DOK5: variants seen among roughly 807,000 people sequenced by gnomAD.
The protein encoded by DOK5 is docking protein 5.
A neutral mutation model predicts 43.3 loss-of-function variants in DOK5; 27 were observed. The observed-to-expected ratio is 0.62, with a 90% CI of 0.46 to 0.86. DOK5 has a LOEUF of 0.86. Among genes scored for constraint, DOK5 ranks in the 40% least tolerant of loss-of-function variants. The probability of loss-of-function intolerance (pLI) is 0.00; values close to 1 mark genes in which losing one functional copy is unlikely to be tolerated. For synonymous variants in DOK5, 146 were observed against 140.1 expected, an observed-to-expected ratio of 1.04 and a Z score of -0.30; for missense variants, 373 against 392.9, an observed-to-expected ratio of 0.95 and a Z score of 0.43.
At chr20:54,605,797 A>G (rs1986451786) in intron 5 of DOK5, among the ~76,000 whole-genome samples, 1 of 152,262 alleles carries the variant, frequency 6.6e-6, no homozygotes. Context: ...GTATATCAGA[A>G]CAAAATCCCC....
chr20:54,496,573 C>T (rs1216827475), intron 1 of DOK5, among the ~76,000 whole-genome samples: 1 of 151,946 alleles, frequency 6.6e-6, no homozygotes. Context: ...CGAGACCATC[C>T]TGGCCAACAC....
At chr20:54,557,464 G>C (rs894259101) in intron 2 of DOK5, among the ~76,000 whole-genome samples, 2 of 152,142 alleles carry the variant, frequency 1.3e-5, no homozygotes, top group African/African-American at 4.8e-5. Flanking sequence ...GGTGTAGCCG[G>C]GTTCCTAATA....
At chr20:54,622,808 C>T (rs879272646) in intron 6 of DOK5, among the ~76,000 whole-genome samples, 7 of 151,994 alleles carry the variant, frequency 4.6e-5, no homozygotes, top group East Asian at 3.9e-4. Flanking sequence ...TTCCCAGTGT[C>T]GAGCATGGCA....
intron 1 of DOK5, among the ~76,000 whole-genome samples, chr20:54,507,618 GAAT>G (rs1375942448): frequency 1.3e-5 from 2 of 152,202 alleles, no homozygotes; most frequent in Non-Finnish European, 2.9e-5. Context: ...TGCAGGTGTT[GAAT>G]GATGAGGTGT....
chr20:54,541,880 T>A (rs1984173384), intron 1 of DOK5, among the ~76,000 whole-genome samples: 1 of 152,158 alleles, frequency 6.6e-6, no homozygotes. Context: ...CTCAAGGCCA[T>A]TTATTTCTTC....
chr20:54,521,797 G>A (rs1983407554), intron 1 of DOK5, among the ~76,000 whole-genome samples: 1 of 152,126 alleles, frequency 6.6e-6, no homozygotes, highest in Non-Finnish European at 1.5e-5. Flanking sequence ...CTTCTGCCCA[G>A]TTGAGAGTCA....
chr20:54,535,711 T>C (rs1983939394), intron 1 of DOK5, among the ~76,000 whole-genome samples: 1 of 152,144 alleles, frequency 6.6e-6, no homozygotes, highest in African/African-American at 2.4e-5. Flanking sequence ...AGAGCCCTTC[T>C]CCATGGTATA....
At chr20:54,603,594 A>G (rs955503017) in intron 5 of DOK5, among the ~76,000 whole-genome samples, 1 of 152,178 alleles carries the variant, frequency 6.6e-6, no homozygotes, top group South Asian at 2.1e-4. Context: ...GTCTGGAGAC[A>G]CTTTTGGTTG....
rs71196456 is a variant in DOK5, at chr20:54,605,001, CA to C, written c.600-5375del. ...TGGGCAACAGAGCAAGACTGTGTCT[CA>C]AAAAAAAAAAATATATATATATACA... is the stretch of plus-strand genomic sequence containing the variant. On this transcript the variant is annotated intron_variant, in intron 5 of 7. Transcript: ENST00000262593. 8.6e-4 allele frequency among the ~76,000 whole-genome samples: 94 copies of C among 108,880 alleles called. 1 individual carries two copies. The highest frequency in any genetic ancestry group is 1.9e-3 in the Admixed American group (20 of 10,274). The allele number at this position is 108,880 out of a possible 152,430, so 71.4% of individuals were successfully genotyped here. A position where few individuals can be genotyped will look rare whatever the true frequency, so the allele number is the denominator to read the frequency against.
Position 54,643,585 on chromosome 20 carries a change from G to C in DOK5, c.856+7G>C. The C allele has an allele frequency of 6.2e-7, 1 of 1,611,218 alleles. No individual in the cohort carries two copies. Among genetic ancestry groups the C allele is most frequent in the Non-Finnish European group, 8.5e-7 (1 of 1,179,646 alleles). On this transcript the variant is annotated splice_region_variant and intron_variant, in intron 7 of 7. Transcript: ENST00000262593. ...CAGCTCTACCGCTTGCAAGGTAAGC[G>C]TGGGGCTACCTGTGTCCAGGGTGTG...
At chr20:54,521,082 T>C (rs1983377453) in intron 1 of DOK5, among the ~76,000 whole-genome samples, 2 of 152,052 alleles carry the variant, frequency 1.3e-5, no homozygotes, top group African/African-American at 4.8e-5. Flanking sequence ...GAATGGTGCC[T>C]GCTTGAGGGA....
intron 1 of DOK5, among the ~76,000 whole-genome samples, chr20:54,553,040 A>G (rs938013380): frequency 1.5e-4 from 23 of 152,342 alleles, no homozygotes; most frequent in African/African-American, 4.8e-4. Flanking sequence ...TTTGTAGTAC[A>G]TAAAATTTAT....
At chr20:54,581,713 A>AAT (rs1321481785) in intron 2 of DOK5, among the ~76,000 whole-genome samples, 4 of 151,984 alleles carry the variant, frequency 2.6e-5, no homozygotes, top group African/African-American at 7.2e-5. Flanking sequence ...ATAGAAATAC[A>AAT]ACTGATTTTT....
At chr20:54,608,940 G>T (rs185914936) in intron 5 of DOK5, among the ~76,000 whole-genome samples, 74 of 152,250 alleles carry the variant, frequency 4.9e-4, no homozygotes, top group Admixed American at 4.3e-3. Context: ...CTCCCAAAGT[G>T]CTGGGATTAC....
chr20:54,646,197 A>T (rs959442741), intron 7 of DOK5, among the ~76,000 whole-genome samples: 8 of 150,434 alleles, frequency 5.3e-5, no homozygotes, highest in African/African-American at 1.2e-4. Flanking sequence ...ATACTTCTTT[A>T]AAAAAAGCAT....
chr20:54,548,272 G>A (rs1036101671), intron 1 of DOK5, among the ~76,000 whole-genome samples: 2 of 149,036 alleles, frequency 1.3e-5, no homozygotes, highest in Non-Finnish European at 2.9e-5. Context: ...TTGACACTCT[G>A]TCATGAGGCT....
intron 1 of DOK5, among the ~76,000 whole-genome samples, chr20:54,529,064 G>T (rs1170625383): frequency 1.3e-5 from 2 of 152,122 alleles, no homozygotes; most frequent in African/African-American, 4.8e-5. Flanking sequence ...AGACAACCAG[G>T]TGCATACACA....
intron 1 of DOK5, among the ~76,000 whole-genome samples, chr20:54,521,971 C>A (rs1217103594): frequency 1.3e-5 from 2 of 152,198 alleles, no homozygotes; most frequent in Non-Finnish European, 2.9e-5. Context: ...CTTGTTATAT[C>A]ACACCAGCCA....
At chr20:54,525,503 A>G (rs1231842229) in intron 1 of DOK5, among the ~76,000 whole-genome samples, 1 of 152,248 alleles carries the variant, frequency 6.6e-6, no homozygotes, top group Non-Finnish European at 1.5e-5. Flanking sequence ...TGAATAGCTG[A>G]TAATAATTGT....
Sources: gnomAD v4.1 joint callset for allele counts (sites outside exome capture counted in the v4.1 genomes callset) on GRCh38, gnomAD v4.1.1 for gene constraint, MANE v1.5 for transcripts, NCBI Gene and HGNC (gene_info 2026-07-23, HGNC 2026-07-21) for gene names.